Variants in STK3 observed in about 807,000 individuals in gnomAD.
STK3 encodes the protein serine/threonine kinase 3, also known as serine/threonine-protein kinase 3.
In STK3, 41 loss-of-function variants were observed where a neutral mutation model predicts 58.0. The ratio of observed to expected loss-of-function variants is 0.71; its 90% CI spans 0.55 to 0.92. STK3 has a LOEUF of 0.92. Among genes scored for constraint, STK3 ranks in the 40% least tolerant of loss-of-function variants. The pLI is 0.00. For synonymous variants in STK3, 170 were observed against 191.0 expected (o/e 0.89, Z 0.91); for missense variants, 479 against 602.7 (o/e 0.79, Z 2.15).
intron 6 of STK3, among the ~76,000 whole-genome samples, chr8:98,690,263 C>T (rs753904058): frequency 2.6e-5 from 4 of 152,126 alleles, no homozygotes; most frequent in Non-Finnish European, 5.9e-5. Context: ...TATCTCTCTT[C>T]ACTGACAATA....
At chr8:98,442,843 T>C (rs1390166966) in intron 1 of STK3, among the ~76,000 whole-genome samples, 1 of 152,202 alleles carries the variant, frequency 6.6e-6, no homozygotes, top group Non-Finnish European at 1.5e-5. Flanking sequence ...TTGTATGTAT[T>C]CTATAAAGCA....
In STK3 at chr8:98,873,516, T is replaced by G. The variant is rs1587784189; in HGVS notation, c.110+10131A>C. On this transcript the variant is annotated intron_variant, in intron 3 of 12. Coordinates refer to the STK3 transcript ENST00000523601. ...TCTAAGGACTTGCTTTATGAATCTG[T>G]GTGCTCCTGTATTGGGTGCATATGT... 2.6e-5 allele frequency among the ~76,000 whole-genome samples: 4 copies of G among 152,284 alleles called. No homozygotes were observed. In the South Asian group the frequency reaches 8.3e-4, roughly 32 times the overall value.
intron 6 of STK3, among the ~76,000 whole-genome samples, chr8:98,612,417 A>G (rs1817274849): frequency 1.3e-5 from 2 of 149,830 alleles, no homozygotes; most frequent in Non-Finnish European, 3.0e-5. Flanking sequence ...ACACATATGA[A>G]TTCTATATAT....
chr8:98,463,769 C>T (rs187320886), intron 10 of STK3, among the ~76,000 whole-genome samples: 1 of 152,098 alleles, frequency 6.6e-6, no homozygotes, highest in Non-Finnish European at 1.5e-5. Context: ...CAAAAATAGT[C>T]GTAATTACAT....
At chr8:98,700,965 T>A (rs986023528) in intron 6 of STK3, among the ~76,000 whole-genome samples, 2 of 152,152 alleles carry the variant, frequency 1.3e-5, no homozygotes, top group Admixed American at 6.5e-5. Flanking sequence ...ATGGCGCCAC[T>A]GCACTCCAGC....
chr8:98,738,440 T>G (rs1164522183), intron 4 of STK3, among the ~76,000 whole-genome samples: 1 of 151,770 alleles, frequency 6.6e-6, no homozygotes, highest in Non-Finnish European at 1.5e-5. Context: ...GCCATTGCAC[T>G]CCAGCCTGGG....
intron 3 of STK3, among the ~76,000 whole-genome samples, chr8:98,874,567 A>G (rs1837495782): frequency 1.3e-5 from 2 of 152,190 alleles, no homozygotes; most frequent in South Asian, 4.1e-4. Context: ...CATGTTTTAT[A>G]TATCTATATC....
upstream of STK3, among the ~76,000 whole-genome samples, chr8:98,830,386 G>T (rs559463875): frequency 6.6e-6 from 1 of 152,306 alleles, no homozygotes; most frequent in East Asian, 1.9e-4. Flanking sequence ...AGAATGTGAG[G>T]CCAAGGGAAC....
At chr8:98,376,634 T>C (rs1420068951) in intron 2 of STK3, among the ~76,000 whole-genome samples, 1 of 152,216 alleles carries the variant, frequency 6.6e-6, no homozygotes, top group Non-Finnish European at 1.5e-5. Context: ...CATATAGATA[T>C]CCAATTGTTC....
At chr8:98,376,638 A>G (rs2130995702) in intron 2 of STK3, among the ~76,000 whole-genome samples, 1 of 152,340 alleles carries the variant, frequency 6.6e-6, no homozygotes, top group East Asian at 1.9e-4. Context: ...TAGATATCCA[A>G]TTGTTCCATC....
chr8:98,361,026 T>C, the STK3 span, among the ~76,000 whole-genome samples: 4 of 152,186 alleles, frequency 2.6e-5, no homozygotes, highest in African/African-American at 9.6e-5. Context: ...AGGTCAAAAT[T>C]GGATTTTGTC....
chr8:98,591,781 A>G (rs941468994), intron 7 of STK3, among the ~76,000 whole-genome samples: 3 of 152,232 alleles, frequency 2.0e-5, no homozygotes, highest in Non-Finnish European at 2.9e-5. Flanking sequence ...GACGAACCAG[A>G]TAAGTATATT....
intron 1 of STK3, among the ~76,000 whole-genome samples, chr8:98,811,851 C>G (rs1024837756): frequency 6.6e-6 from 1 of 152,244 alleles, no homozygotes; most frequent in African/African-American, 2.4e-5. Flanking sequence ...GAGACGAAGT[C>G]TTGGTCTGTC....
chr8:98,825,785 C>G (rs1835241891), upstream of STK3: 1 of 100,242 alleles, frequency 1.0e-5, no homozygotes, highest in Non-Finnish European at 2.1e-5. Context: ...GCCGCCCCGC[C>G]CCGCCCCCGG....
At chr8:98,383,352 C>T (rs997439203) in intron 1 of STK3, among the ~76,000 whole-genome samples, 1 of 152,002 alleles carries the variant, frequency 6.6e-6, no homozygotes, top group African/African-American at 2.4e-5. Flanking sequence ...TCAAGCCAGG[C>T]ATTTCAGACA....
At chr8:98,826,433 C>T (rs945007555), upstream of STK3, among the ~76,000 whole-genome samples, 2 of 152,162 alleles carry the variant, frequency 1.3e-5, no homozygotes, top group Admixed American at 6.5e-5. Flanking sequence ...GAAAATAATT[C>T]GTACAGTGAG....
intron 6 of STK3, among the ~76,000 whole-genome samples, chr8:98,667,742 T>C (rs1333626002): frequency 6.6e-6 from 1 of 152,100 alleles, no homozygotes; most frequent in African/African-American, 2.4e-5. Context: ...AAATGTTAAA[T>C]TCACAACATA....
At chr8:98,920,440 G>C (rs564195447) in intron 1 of STK3, among the ~76,000 whole-genome samples, 21 of 152,174 alleles carry the variant, frequency 1.4e-4, no homozygotes, top group Admixed American at 2.0e-4. Context: ...TCTCCTGTCA[G>C]CCTGCACCTG....
At chr8:98,802,639 ATAAT>A (rs1426411700) in intron 1 of STK3, among the ~76,000 whole-genome samples, 13 of 152,200 alleles carry the variant, frequency 8.5e-5, no homozygotes, top group African/African-American at 2.2e-4. Flanking sequence ...GTTCTTAGAA[ATAAT>A]TAGACACAAA....
Sources: gnomAD v4.1 joint callset for allele counts (sites outside exome capture counted in the v4.1 genomes callset) on GRCh38, gnomAD v4.1.1 for gene constraint, MANE v1.5 for transcripts, NCBI Gene and HGNC (gene_info 2026-07-23, HGNC 2026-07-21) for gene names.